Variants in SEMA3A observed in about 807,000 individuals in gnomAD.
The protein encoded by SEMA3A is semaphorin-3A.
A neutral mutation model predicts 97.9 loss-of-function variants in SEMA3A; 29 were observed. The observed-to-expected ratio is 0.30, with a 90% confidence interval of 0.22 to 0.40. SEMA3A has a LOEUF of 0.40. SEMA3A is among the 10% of genes least tolerant of loss of function. The pLI is 1.00. For synonymous variants in SEMA3A, 321 were observed against 323.7 expected, an observed-to-expected ratio of 0.99 and a Z score of 0.09; for missense variants, 763 against 951.3, an observed-to-expected ratio of 0.80 and a Z score of 2.60.
chr7:83,984,880 T>C (rs1211311935), intron 13 of SEMA3A, among the ~76,000 whole-genome samples: 3 of 152,128 alleles, frequency 2.0e-5, no homozygotes, highest in Non-Finnish European at 4.4e-5. Context: ...TTTCATTTGA[T>C]ATTTAGCCAA....
At chr7:84,339,550 G>A (rs1232184422) in intron 2 of SEMA3A, among the ~76,000 whole-genome samples, 1 of 152,058 alleles carries the variant, frequency 6.6e-6, no homozygotes, top group Admixed American at 6.6e-5. Context: ...CAAGAACTGT[G>A]GAAAGGGTAT....
chr7:83,963,328 G>A lies in SEMA3A; in HGVS notation c.1737C>T (p.Ser579=), dbSNP rs1158753165. The A allele has an allele frequency of 6.2e-7, 1 of 1,613,214 alleles. No homozygotes were observed. The highest frequency in any genetic ancestry group is 8.5e-7 in the Non-Finnish European group (1 of 1,179,784). The change falls in exon 16 of 17, where the codon AGC becomes AGT. Residue 579 remains serine, a synonymous_variant. Coordinates refer to ENST00000265362, the MANE Select transcript of SEMA3A (RefSeq NM_006080.3). ...DLHHDNHHGH[S]PEERIIYGVE... is the part of the protein sequence containing the mutation. ...CACCATAGATGATTCTCTCTTCAGGGCTGTGGCCATGGTGATTATCTGGCC... is the reference window on the plus strand; with the variant it reads ...CACCATAGATGATTCTCTCTTCAGGACTGTGGCCATGGTGATTATCTGGCC...
chr7:84,047,957 A>T (rs1432121445), intron 5 of SEMA3A, among the ~76,000 whole-genome samples: 1 of 151,990 alleles, frequency 6.6e-6, no homozygotes, highest in African/African-American at 2.4e-5. Context: ...GACCCTCCAG[A>T]ACAGTGGAGA....
intron 12 of SEMA3A, among the ~76,000 whole-genome samples, chr7:83,992,235 G>T (rs1789983005): frequency 6.6e-6 from 1 of 150,546 alleles, no homozygotes; most frequent in Non-Finnish European, 1.5e-5. Flanking sequence ...CTTGCTAGCG[G>T]TCTATCAATT....
chr7:84,249,368 CATCTATCTATCTATCT>C (rs60537339), intron 3 of SEMA3A, among the ~76,000 whole-genome samples: 14 of 143,140 alleles, frequency 9.8e-5, no homozygotes, highest in Non-Finnish European at 1.2e-4. Flanking sequence ...CTCTGTCTAT[CATCTATCTATCTATCT>C]ATCTATCTAT....
At chr7:84,070,061 A>G (rs560117179) in intron 4 of SEMA3A, among the ~76,000 whole-genome samples, 1 of 152,274 alleles carries the variant, frequency 6.6e-6, no homozygotes, top group African/African-American at 2.4e-5. Context: ...AAGTAATAAG[A>G]CTGAAAATCC....
At chr7:84,088,176 C>G (rs1170278451) in intron 4 of SEMA3A, among the ~76,000 whole-genome samples, 1 of 152,062 alleles carries the variant, frequency 6.6e-6, no homozygotes, top group Admixed American at 6.6e-5. Context: ...AGTATGCTTG[C>G]CAGGCGCAGT....
intron 3 of SEMA3A, among the ~76,000 whole-genome samples, chr7:84,270,139 C>T (rs1800106319): frequency 1.3e-5 from 2 of 152,030 alleles, no homozygotes; most frequent in Admixed American, 1.3e-4. Flanking sequence ...GATTTACCTG[C>T]TAATCTGGTA....
intron 3 of SEMA3A, among the ~76,000 whole-genome samples, chr7:84,200,267 T>A (rs1334388085): frequency 1.3e-5 from 2 of 152,106 alleles, no homozygotes; most frequent in Non-Finnish European, 2.9e-5. Context: ...GTTTTTCAAA[T>A]GAATTGATGT....
chr7:84,173,960 G>A (rs557009992), intron 1 of SEMA3A, among the ~76,000 whole-genome samples: 1 of 152,306 alleles, frequency 6.6e-6, no homozygotes, highest in Non-Finnish European at 1.5e-5. Flanking sequence ...ATGATCTGAG[G>A]TGGAGCTGAG....
rs1240556097 is a variant in SEMA3A, at chr7:83,957,057, TC to T, written c.*4313del. 6.6e-6 allele frequency: 1 copy of T among 152,148 alleles called. No individual in the cohort carries two copies. Among genetic ancestry groups the T allele is most frequent in the African/African-American group, 2.4e-5 (1 of 41,428 alleles). The allele number at this position is 152,148 out of a possible 1,614,324, so 9.4% of individuals were successfully genotyped here. A position where few individuals can be genotyped will look rare whatever the true frequency, so the allele number is the denominator to read the frequency against. Reference sequence around the variant, plus strand: ...TCATGCTAGACACTGGGGACAGAGATCAATTAGATACAAATCCTGCCCTCAA... The same window carrying T: ...TCATGCTAGACACTGGGGACAGAGATAATTAGATACAAATCCTGCCCTCAA... On this transcript the variant is annotated 3_prime_UTR_variant, in exon 17 of 17. Coordinates refer to ENST00000265362, the MANE Select transcript of SEMA3A (RefSeq NM_006080.3).
At position 84,119,906 on chromosome 7, in the gene SEMA3A, G is replaced by A. The variant is rs188493712; in HGVS notation, c.333+9217C>T. Reference sequence around the variant, plus strand: ...GTACTCTAAAAGTATGTACACTGATGCATGGATGAATTATGGTGTCCAGTC... The same window carrying A: ...GTACTCTAAAAGTATGTACACTGATACATGGATGAATTATGGTGTCCAGTC... On this transcript the variant is annotated intron_variant, in intron 3 of 16. Transcript: ENST00000265362. Among the ~76,000 whole-genome samples, 96 of 152,180 alleles carry A rather than the reference G, an allele frequency of 6.3e-4. No individual in the cohort carries two copies. The East Asian group carries it at 0.014, about 23-fold the overall frequency.
At chr7:84,326,746 G>T (rs1801784722) in intron 2 of SEMA3A, among the ~76,000 whole-genome samples, 1 of 151,902 alleles carries the variant, frequency 6.6e-6, no homozygotes, top group Non-Finnish European at 1.5e-5. Flanking sequence ...CAATAATGGT[G>T]CTGGGATAGC....
In SEMA3A at chr7:84,001,957, G is replaced by GA. The variant is rs763018249; in HGVS notation, c.1449dup (p.Arg484SerfsTer14). ...ACTTGAAATTAAGCAGCACTCACCC[G>GA]AAAAACTGTCATTTCTTCCAGCAGA... On this transcript the variant is annotated frameshift_variant, in exon 12 of 17. Coordinates refer to ENST00000265362, the MANE Select transcript of SEMA3A (RefSeq NM_006080.3). LOFTEE classifies it high-confidence loss of function. 1 of 1,608,298 alleles carries GA rather than the reference G, an allele frequency of 6.2e-7. No homozygotes were observed. Among genetic ancestry groups the GA allele is most frequent in the South Asian group, 1.1e-5 (1 of 90,852 alleles).
intron 12 of SEMA3A, among the ~76,000 whole-genome samples, chr7:83,992,022 T>C (rs1276948180): frequency 7.1e-6 from 1 of 139,880 alleles, no homozygotes; most frequent in Non-Finnish European, 1.5e-5. Context: ...TATTCAGAGA[T>C]TCAACTTCTT....
intron 1 of SEMA3A, among the ~76,000 whole-genome samples, chr7:84,428,740 G>GA (rs1804890988): frequency 6.6e-6 from 1 of 151,738 alleles, no homozygotes; most frequent in Non-Finnish European, 1.5e-5. Flanking sequence ...TCAGTAAAAA[G>GA]AAAAACATAA....
intron 3 of SEMA3A, among the ~76,000 whole-genome samples, chr7:84,286,336 G>A (rs972099250): frequency 5.9e-5 from 9 of 152,144 alleles, no homozygotes; most frequent in Admixed American, 5.9e-4. Flanking sequence ...CAGATCAAGA[G>A]TAATGTCGAT....
chr7:84,479,933 G>A (rs1806398756), intron 1 of SEMA3A, among the ~76,000 whole-genome samples: 1 of 152,174 alleles, frequency 6.6e-6, no homozygotes, highest in African/African-American at 2.4e-5. Context: ...CTAGGTTAGT[G>A]TATTAACTCT....
chr7:83,988,258 G>C (rs1789720988), intron 12 of SEMA3A, among the ~76,000 whole-genome samples: 1 of 151,808 alleles, frequency 6.6e-6, no homozygotes, highest in African/African-American at 2.4e-5. Flanking sequence ...AGGGAGTCTC[G>C]CTCTGTCGCC....
Sources: gnomAD v4.1 joint callset for allele counts (sites outside exome capture counted in the v4.1 genomes callset) on GRCh38, gnomAD v4.1.1 for gene constraint, MANE v1.5 for transcripts, NCBI Gene and HGNC (gene_info 2026-07-23, HGNC 2026-07-21) for gene names.